Variants in MGRN1 observed in about 807,000 individuals in gnomAD.
The protein encoded by MGRN1 is E3 ubiquitin-protein ligase MGRN1.
A neutral mutation model predicts 69.2 loss-of-function variants in MGRN1; 29 were observed. The observed-to-expected ratio is 0.42, with a 90% CI of 0.31 to 0.57. The LOEUF (loss-of-function observed/expected upper bound fraction) is 0.57. Ranked by LOEUF, MGRN1 falls within the 20% of genes least tolerant of loss-of-function variation. The pLI is 0.15. For synonymous variants in MGRN1, 470 were observed against 344.2 expected (o/e 1.37, Z -4.04); for missense variants, 998 against 796.2 (o/e 1.25, Z -3.05).
intron 9 of MGRN1, among the ~76,000 whole-genome samples, chr16:4,671,923 T>C (rs2078945442): frequency 6.6e-6 from 1 of 152,220 alleles, no homozygotes; most frequent in Non-Finnish European, 1.5e-5. Flanking sequence ...GTTTTTGTTT[T>C]TTGAGTCAGT....
At chr16:4,645,250 A>T (rs1442013870) in intron 1 of MGRN1, among the ~76,000 whole-genome samples, 1 of 151,788 alleles carries the variant, frequency 6.6e-6, no homozygotes, top group Non-Finnish European at 1.5e-5. Context: ...GCAGCCTCGA[A>T]CTCTTGGACT....
chr16:4,685,085 C>T (rs573463599), intron 16 of MGRN1, among the ~76,000 whole-genome samples: 11 of 152,362 alleles, frequency 7.2e-5, no homozygotes, highest in African/African-American at 2.2e-4. Flanking sequence ...ATGACCACAG[C>T]GGCCTGCCCC....
intron 1 of MGRN1, 186 bp from the exon 2 acceptor site, chr16:4,650,179 G>C: frequency 4.0e-6 from 2 of 500,390 alleles, no homozygotes; most frequent in Non-Finnish European, 3.6e-6. Context: ...GGTGGGTGCC[G>C]GTAATCCCAG....
chr16:4,673,766 A>G (rs2078993939), intron 10 of MGRN1, 109 bp downstream of exon 10: 6 of 1,355,170 alleles, frequency 4.4e-6, no homozygotes, highest in Admixed American at 4.4e-5. Flanking sequence ...GCTAAGAAAG[A>G]AGAGTTGTCA....
At chr16:4,665,559 G>T (rs1040725853) in intron 7 of MGRN1, among the ~76,000 whole-genome samples, 25 of 151,758 alleles carry the variant, frequency 1.6e-4, no homozygotes, top group African/African-American at 5.3e-4. Context: ...AGTAGAAACA[G>T]CGTTTCATCA....
intron 10 of MGRN1, among the ~76,000 whole-genome samples, chr16:4,675,362 C>T (rs899459965): frequency 1.3e-5 from 2 of 152,090 alleles, no homozygotes; most frequent in African/African-American, 4.8e-5. Context: ...CCTCGTGCCT[C>T]CTAAAGTGTT....
chr16:4,686,571 T>G, intron 16 of MGRN1: 1 of 1,314,362 alleles, frequency 7.6e-7, no homozygotes, highest in Non-Finnish European at 9.7e-7. Context: ...TCTTCCAGCC[T>G]TGAGGGGCCC....
chr16:4,681,894 G>T, intron 13 of MGRN1, 118 bp downstream of exon 13: 2 of 1,017,022 alleles, frequency 2.0e-6, no homozygotes, highest in Non-Finnish European at 2.8e-6. Flanking sequence ...TCCCCAGAAG[G>T]ACTCGGAGAC....
intron 1 of MGRN1, among the ~76,000 whole-genome samples, chr16:4,625,899 T>C (rs922229245): frequency 2.0e-5 from 3 of 152,200 alleles, no homozygotes; most frequent in Admixed American, 2.0e-4. Context: ...GACATCTAGA[T>C]TGGGTCCTCA....
intron 10 of MGRN1, among the ~76,000 whole-genome samples, chr16:4,674,586 T>C (rs867068559): frequency 7.1e-5 from 10 of 140,140 alleles, no homozygotes; most frequent in South Asian, 2.2e-4. Context: ...CGCTTTTTTT[T>C]TTTTCTTTTC....
chr16:4,685,018 A>G (rs918262018), intron 16 of MGRN1, among the ~76,000 whole-genome samples: 2 of 152,142 alleles, frequency 1.3e-5, no homozygotes, highest in Admixed American at 6.5e-5. Context: ...GCCTGTGCTC[A>G]TGGGCTGGGC....
intron 7 of MGRN1, among the ~76,000 whole-genome samples, chr16:4,667,796 G>C (rs118101604): frequency 1.3e-5 from 2 of 152,180 alleles, no homozygotes; most frequent in South Asian, 2.1e-4. Flanking sequence ...AGAGCTTTGC[G>C]GTTCCCTGTG....
chr16:4,663,432 C>T (rs2078730819), intron 5 of MGRN1, among the ~76,000 whole-genome samples: 1 of 144,956 alleles, frequency 6.9e-6, no homozygotes, highest in South Asian at 2.2e-4. Context: ...CTGCAGCTCA[C>T]TCGTGTTAAG....
chr16:4,671,263 G>C (rs1372385424), intron 8 of MGRN1, 128 bp from the exon 9 acceptor site: 2 of 817,240 alleles, frequency 2.4e-6, no homozygotes, highest in African/African-American at 3.4e-5. Context: ...TGGCCCCCAG[G>C]GGTTGAGCTG....
chr16:4,629,907 G>T (rs767516331), intron 1 of MGRN1, among the ~76,000 whole-genome samples: 2 of 151,726 alleles, frequency 1.3e-5, no homozygotes, highest in South Asian at 4.2e-4. Context: ...TGAGCTGGAC[G>T]CAATGGCGCA....
chr16:4,682,802 C>T (rs755745527), intron 13 of MGRN1, 21 bp from the exon 14 acceptor site: 6 of 1,528,448 alleles, frequency 3.9e-6, no homozygotes, highest in East Asian at 2.3e-5. Flanking sequence ...CACCCCTGCC[C>T]ACCCTCTCCT....
intron 1 of MGRN1, among the ~76,000 whole-genome samples, chr16:4,632,458 A>G (rs561947458): frequency 6.6e-6 from 1 of 151,164 alleles, no homozygotes; most frequent in Non-Finnish European, 1.5e-5. Flanking sequence ...CAGTGGCGCA[A>G]TCTCTGCTCA....
chr16:4,686,128 T>C, intron 16 of MGRN1: 3 of 1,076,118 alleles, frequency 2.8e-6, no homozygotes, highest in Non-Finnish European at 3.9e-6. Flanking sequence ...TGGTTCTCTG[T>C]GGTTGCAGCA....
At position 4,652,054 on chromosome 16, in the gene MGRN1, A is replaced by G. The variant is rs1359429602; in HGVS notation, c.296+3A>G. The G allele has an allele frequency of 1.2e-6, 2 of 1,613,456 alleles. No individual in the cohort carries two copies. Among genetic ancestry groups the G allele is most frequent in the South Asian group, 2.2e-5 (2 of 91,072 alleles). On this transcript the variant is annotated splice_donor_region_variant and intron_variant, in intron 3 of 16. Coordinates refer to ENST00000262370, the MANE Select transcript of MGRN1 (RefSeq NM_015246.4). ...AAAGACTCCCTGCGGCTGGTGAGGTAACTTCACCCTGCCCCTGGGGACCCT... is the reference window on the plus strand; with the variant it reads ...AAAGACTCCCTGCGGCTGGTGAGGTGACTTCACCCTGCCCCTGGGGACCCT...
Sources: allele counts gnomAD v4.1 joint callset (sites outside exome capture counted in the v4.1 genomes callset), GRCh38; gene constraint gnomAD v4.1.1; transcripts MANE v1.5; gene names NCBI Gene and HGNC (gene_info 2026-07-23, HGNC 2026-07-21).